The following APBA2 variants were observed in gnomAD, a reference collection of about 807,000 sequenced individuals.
APBA2 encodes amyloid-beta A4 precursor protein-binding family A member 2.
A neutral mutation model predicts 75.0 loss-of-function variants in APBA2; 30 were observed. The observed-to-expected ratio is 0.40, with a 90% confidence interval of 0.30 to 0.54. The LOEUF (loss-of-function observed/expected upper bound fraction) is 0.54. APBA2 is among the 20% of genes least tolerant of loss of function. The pLI, the probability that APBA2 is intolerant of heterozygous loss-of-function variation, is 0.49. For synonymous variants in APBA2, 444 were observed against 409.6 expected (o/e 1.08, Z -1.01); for missense variants, 801 against 1,016.1 (o/e 0.79, Z 2.88).
At chr15:29,110,710 G>T (rs909354368) in intron 13 of APBA2, among the ~76,000 whole-genome samples, 1 of 152,212 alleles carries the variant, frequency 6.6e-6, no homozygotes, top group African/African-American at 2.4e-5. Context: ...GTGGGGAGAG[G>T]GGGAGAAGAG....
chr15:28,978,993 C>G (rs111446657), intron 2 of APBA2, among the ~76,000 whole-genome samples: 2 of 152,210 alleles, frequency 1.3e-5, no homozygotes, highest in African/African-American at 2.4e-5. Flanking sequence ...CCCTTCTGCT[C>G]TCTCTGGCTA....
At chr15:28,955,894 C>T (rs978859125) in intron 2 of APBA2, among the ~76,000 whole-genome samples, 8 of 152,206 alleles carry the variant, frequency 5.3e-5, no homozygotes, top group Non-Finnish European at 8.8e-5. Flanking sequence ...TTCTGGCCCT[C>T]GGTTGCTTGC....
chr15:29,100,548 C>T (rs1278139435), intron 9 of APBA2, among the ~76,000 whole-genome samples: 1 of 152,158 alleles, frequency 6.6e-6, no homozygotes, highest in Non-Finnish European at 1.5e-5. Flanking sequence ...GATTCCTGTC[C>T]AAGGACAAAA....
At chr15:28,993,525 G>A (rs888736909) in intron 2 of APBA2, among the ~76,000 whole-genome samples, 13 of 152,108 alleles carry the variant, frequency 8.5e-5, no homozygotes, top group Non-Finnish European at 1.3e-4. Context: ...TCCACCCTCC[G>A]CAAAGGCTGG....
At chr15:29,103,720 T>C (rs917598962) in intron 10 of APBA2, among the ~76,000 whole-genome samples, 4 of 152,102 alleles carry the variant, frequency 2.6e-5, no homozygotes, top group African/African-American at 9.7e-5. Context: ...GGGCCGTGGG[T>C]GGTGGAGCCG....
At chr15:28,940,608 C>T (rs533713224) in intron 2 of APBA2, among the ~76,000 whole-genome samples, 7 of 151,788 alleles carry the variant, frequency 4.6e-5, no homozygotes, top group Non-Finnish European at 1.0e-4. Flanking sequence ...CTCTGGAATC[C>T]GGAACTACAA....
At chr15:28,969,151 T>TTGCTTG (rs2036911942) in intron 2 of APBA2, among the ~76,000 whole-genome samples, 1 of 76,822 alleles carries the variant, frequency 1.3e-5, no homozygotes, top group African/African-American at 4.4e-4. Context: ...TTTCTTTCTT[T>TTGCTTG]CTTTCTTTCT....
intron 3 of APBA2, among the ~76,000 whole-genome samples, chr15:29,014,537 A>G (rs945939486): frequency 1.3e-5 from 2 of 152,152 alleles, no homozygotes; most frequent in African/African-American, 2.4e-5. Context: ...CAGTTTCTCT[A>G]TTGGACTAAC....
chr15:29,058,460 G>A (rs1029286896), intron 4 of APBA2, among the ~76,000 whole-genome samples: 2 of 152,012 alleles, frequency 1.3e-5, no homozygotes, highest in African/African-American at 2.4e-5. Flanking sequence ...GCAGTGAGCC[G>A]AGATAGCACC....
chr15:28,960,824 A>T (rs1213901822), intron 2 of APBA2, among the ~76,000 whole-genome samples: 3 of 142,894 alleles, frequency 2.1e-5, no homozygotes, highest in Admixed American at 7.1e-5. Flanking sequence ...CAGTGGTGTG[A>T]TCTCGGCTCG....
chr15:28,969,843 C>T (rs2036970085), intron 2 of APBA2, among the ~76,000 whole-genome samples: 1 of 152,234 alleles, frequency 6.6e-6, no homozygotes, highest in South Asian at 2.1e-4. Flanking sequence ...CACTTAGGTG[C>T]CGAAGCCAGA....
At chr15:29,105,952 G>T (rs890889761) in intron 11 of APBA2, among the ~76,000 whole-genome samples, 2 of 152,352 alleles carry the variant, frequency 1.3e-5, no homozygotes, top group Middle Eastern at 3.4e-3. Flanking sequence ...CTTCCCCCAG[G>T]GGACTTTGGA....
chr15:28,940,570 A>G (rs892454856), intron 2 of APBA2, among the ~76,000 whole-genome samples: 7 of 151,382 alleles, frequency 4.6e-5, no homozygotes, highest in African/African-American at 1.7e-4. Context: ...AAGAAAAAAA[A>G]AAAAGAAAAG....
chr15:28,951,510 C>T (rs995117984), intron 2 of APBA2, among the ~76,000 whole-genome samples: 1 of 152,216 alleles, frequency 6.6e-6, no homozygotes, highest in African/African-American at 2.4e-5. Context: ...TGCTTCCAGG[C>T]CCTCTCAGCA....
At chr15:28,931,850 A>G (rs934162853) in intron 2 of APBA2, among the ~76,000 whole-genome samples, 1 of 152,202 alleles carries the variant, frequency 6.6e-6, no homozygotes. Flanking sequence ...AAGTCTTTGG[A>G]AATAATTGCA....
chr15:29,054,404 G>T lies in APBA2; in HGVS notation c.520G>T (p.Val174Phe). ...GCCCATTCCGGAGGATGAGCCCTCC[G>T]TCCTTGAGGCCCATGACCAGGAAGA... ...QLPIPEDEPS[V>F]LEAHDQEEDG... is the part of the protein sequence containing the mutation. The change falls in exon 4 of 15, where the codon GTC (valine) becomes TTC (phenylalanine). Residue 174 changes from valine (V) to phenylalanine (F), a missense_variant. This residue lies in a region of APBA2 where 434 missense variants were observed against 471.6 expected (regional missense o/e 0.92). Transcript: ENST00000683413. This position sits in a 1 kb window ranked among gnomAD's most constrained non-coding sequence, Gnocchi z 6.1. 1 of 1,614,094 alleles carries T rather than the reference G, an allele frequency of 6.2e-7. No individual in the cohort carries two copies. The highest frequency in any genetic ancestry group is 8.5e-7 in the Non-Finnish European group (1 of 1,180,028).
chr15:29,075,942 G>C (rs2042828575), intron 5 of APBA2, 113 bp from the exon 6 acceptor site: 1 of 923,722 alleles, frequency 1.1e-6, no homozygotes. Context: ...CATCACTCAT[G>C]GGGGGTTTGC....
intron 2 of APBA2, among the ~76,000 whole-genome samples, chr15:28,934,430 C>G (rs1187575042): frequency 6.6e-6 from 1 of 152,098 alleles, no homozygotes; most frequent in Non-Finnish European, 1.5e-5. Context: ...TCTGGCAGCT[C>G]AACGCTGGTC....
intron 2 of APBA2, among the ~76,000 whole-genome samples, chr15:28,946,228 TGACAGAAAG>T (rs1338712977): frequency 6.6e-6 from 1 of 152,222 alleles, no homozygotes. Flanking sequence ...TTACTTTATG[TGACAGAAAG>T]GACTTTGCAG....
Sources: allele counts gnomAD v4.1 joint callset (sites outside exome capture counted in the v4.1 genomes callset), GRCh38; gene constraint gnomAD v4.1.1; regional missense constraint gnomAD v4.1.1; non-coding constraint Gnocchi (gnomAD v3.1); transcripts MANE v1.5; gene names NCBI Gene and HGNC (gene_info 2026-07-23, HGNC 2026-07-21).